The following SLC39A11 variants were observed in gnomAD, a reference collection of about 807,000 sequenced individuals.
SLC39A11 encodes the protein zinc transporter ZIP11.
A neutral mutation model predicts 36.1 loss-of-function variants in SLC39A11; 33 were observed. The observed-to-expected ratio is 0.91, with a 90% CI of 0.69 to 1.22. The LOEUF is 1.22. SLC39A11 is among the 50% of genes most tolerant of loss of function. The pLI, the probability that SLC39A11 is intolerant of heterozygous loss-of-function variation, is 0.00. For synonymous variants in SLC39A11, 166 were observed against 170.3 expected (o/e 0.97, Z 0.20); for missense variants, 432 against 430.3 (o/e 1.00, Z -0.03).
intron 7 of SLC39A11, among the ~76,000 whole-genome samples, chr17:72,707,104 T>C (rs1295585314): frequency 1.3e-5 from 2 of 152,228 alleles, no homozygotes; most frequent in Non-Finnish European, 2.9e-5. Context: ...ACTATCTCAT[T>C]AGCAATTTTG....
At chr17:72,648,731 A>C (rs1314838110) in intron 9 of SLC39A11, 72 bp downstream of exon 9, 1 of 1,575,174 alleles carries the variant, frequency 6.3e-7, no homozygotes, top group African/African-American at 1.4e-5. Flanking sequence ...AAATGAAGAA[A>C]GAGCATATCC....
At chr17:73,058,026 T>C (rs2059725111) in intron 3 of SLC39A11, among the ~76,000 whole-genome samples, 3 of 145,696 alleles carry the variant, frequency 2.1e-5, no homozygotes, top group Non-Finnish European at 4.5e-5. Flanking sequence ...TTTTTTTTTT[T>C]TGTAAAAGAA....
intron 6 of SLC39A11, among the ~76,000 whole-genome samples, chr17:72,764,776 G>A (rs2075707739): frequency 6.6e-6 from 1 of 152,164 alleles, no homozygotes; most frequent in Non-Finnish European, 1.5e-5. Flanking sequence ...CCCAGCAATA[G>A]GAGAGAAAAA....
At chr17:72,806,527 G>T (rs1022069976) in intron 6 of SLC39A11, among the ~76,000 whole-genome samples, 51 of 152,238 alleles carry the variant, frequency 3.4e-4, no homozygotes, top group African/African-American at 1.2e-3. Flanking sequence ...CACTTAGGGG[G>T]CCTTCCCACT....
rs1449569426 is a variant in SLC39A11, at chr17:72,861,673, AT to A, written c.431-11870del. Among the ~76,000 whole-genome samples, 121 of 121,176 alleles carry A rather than the reference AT, an allele frequency of 1.0e-3. 5 individuals carry two copies. Among genetic ancestry groups the A allele is most frequent in the African/African-American group, 3.6e-3 (113 of 30,974 alleles). 79.5% of individuals were successfully genotyped at this position (121,176 alleles called of 152,430 possible). A position where few individuals can be genotyped will look rare whatever the true frequency, so the allele number is the denominator to read the frequency against. ...TACAACACATTATATATATATATAT[AT>A]ATATATATATATATAAAATATATAT... On this transcript the variant is annotated intron_variant, in intron 5 of 9. Coordinates refer to ENST00000255559, the MANE Select transcript of SLC39A11 (RefSeq NM_139177.4).
At chr17:73,026,397 C>A (rs952286517) in intron 4 of SLC39A11, among the ~76,000 whole-genome samples, 6 of 151,484 alleles carry the variant, frequency 4.0e-5, no homozygotes, top group African/African-American at 1.5e-4. Context: ...TGCCTGTAAT[C>A]CCAGATAGTT....
intron 4 of SLC39A11, among the ~76,000 whole-genome samples, chr17:72,996,767 AT>A (rs2089537206): frequency 6.6e-6 from 1 of 152,144 alleles, no homozygotes; most frequent in South Asian, 2.1e-4. Flanking sequence ...AGAAACATAT[AT>A]TTTGGGAGAC....
At chr17:72,782,927 G>A (rs932024795) in intron 6 of SLC39A11, among the ~76,000 whole-genome samples, 8 of 150,636 alleles carry the variant, frequency 5.3e-5, no homozygotes, top group South Asian at 2.1e-4. Flanking sequence ...ACTTGAACCC[G>A]GGAGGCGGAG....
intron 3 of SLC39A11, among the ~76,000 whole-genome samples, chr17:73,054,383 A>C (rs190224177): frequency 2.4e-4 from 36 of 151,958 alleles, no homozygotes; most frequent in African/African-American, 7.7e-4. Flanking sequence ...AAACAAAAAA[A>C]AAAACTCTAA....
intron 4 of SLC39A11, among the ~76,000 whole-genome samples, chr17:73,009,815 G>A (rs1413688423): frequency 6.6e-6 from 1 of 152,030 alleles, no homozygotes; most frequent in Non-Finnish European, 1.5e-5. Flanking sequence ...GTATACATGT[G>A]CCATGTTGGT....
At chr17:72,819,746 G>A (rs1029461769) in intron 6 of SLC39A11, among the ~76,000 whole-genome samples, 1 of 151,340 alleles carries the variant, frequency 6.6e-6, no homozygotes, top group African/African-American at 2.4e-5. Flanking sequence ...ACCATTTTGG[G>A]AAGTAGGTGG....
intron 1 of SLC39A11, among the ~76,000 whole-genome samples, chr17:73,089,192 G>A (rs1381931604): frequency 6.6e-6 from 1 of 152,060 alleles, no homozygotes; most frequent in African/African-American, 2.4e-5. Flanking sequence ...AAAGACAGGT[G>A]ACTAGCTCAG....
chr17:72,844,881 C>G lies in SLC39A11; in HGVS notation c.601+4753G>C, dbSNP rs550945192. On this transcript the variant is annotated intron_variant, in intron 6 of 9. Coordinates refer to ENST00000255559, the MANE Select transcript of SLC39A11 (RefSeq NM_139177.4). ...CCCCTGGAGCTGCAGCCTTCCTCGT[C>G]TCAGTTGATGGCAATTCCATCCCTG... Among the ~76,000 whole-genome samples, 59 of 152,348 alleles carry G rather than the reference C, an allele frequency of 3.9e-4. No homozygotes were observed. In the South Asian group the frequency reaches 0.012, roughly 30 times the overall value.
intron 4 of SLC39A11, among the ~76,000 whole-genome samples, chr17:72,968,838 A>T (rs1021035025): frequency 2.6e-5 from 4 of 152,184 alleles, no homozygotes; most frequent in Non-Finnish European, 5.9e-5. Flanking sequence ...AGTTAACTGA[A>T]AGGAAAGAAT....
At chr17:72,906,722 C>A (rs1195520555) in intron 5 of SLC39A11, among the ~76,000 whole-genome samples, 1 of 152,206 alleles carries the variant, frequency 6.6e-6, no homozygotes, top group Non-Finnish European at 1.5e-5. Flanking sequence ...TTAAACAAAT[C>A]CGATTAAAGG....
intron 7 of SLC39A11, among the ~76,000 whole-genome samples, chr17:72,651,825 T>C (rs554577971): frequency 2.0e-5 from 3 of 151,846 alleles, no homozygotes; most frequent in South Asian, 2.1e-4. Flanking sequence ...TGAAGTGGAG[T>C]GGACAGACAA....
Position 73,073,384 on chromosome 17 carries a change from C to T in SLC39A11, c.147+11424G>A, listed in dbSNP as rs2144573067. 2.0e-5 allele frequency among the ~76,000 whole-genome samples: 3 copies of T among 152,250 alleles called. No individual in the cohort carries two copies. In the Middle Eastern group the frequency reaches 0.01, roughly 518 times the overall value. ...AATAATGGTTAGAGAGGGACCCTCC[C>T]CCATGTCCTCTTCAGGCACCAGGCC... On this transcript the variant is annotated intron_variant, in intron 3 of 9. Coordinates refer to ENST00000255559, the MANE Select transcript of SLC39A11 (RefSeq NM_139177.4).
intron 4 of SLC39A11, among the ~76,000 whole-genome samples, chr17:72,968,357 C>T (rs1395559954): frequency 6.6e-6 from 1 of 152,196 alleles, no homozygotes; most frequent in Non-Finnish European, 1.5e-5. Flanking sequence ...ATGACGATCT[C>T]TCTCTCTCTC....
At chr17:72,688,022 A>C (rs1043375293) in intron 7 of SLC39A11, among the ~76,000 whole-genome samples, 2 of 152,168 alleles carry the variant, frequency 1.3e-5, no homozygotes, top group Non-Finnish European at 2.9e-5. Context: ...TGAATGACCC[A>C]AGCCGGGGAC....
Sources: gnomAD v4.1 joint callset for allele counts (sites outside exome capture counted in the v4.1 genomes callset) on GRCh38, gnomAD v4.1.1 for gene constraint, MANE v1.5 for transcripts, NCBI Gene and HGNC (gene_info 2026-07-23, HGNC 2026-07-21) for gene names.